Variants in HNRNPLL observed in about 807,000 individuals in gnomAD.
HNRNPLL encodes heterogeneous nuclear ribonucleoprotein L like, also known as heterogeneous nuclear ribonucleoprotein L-like.
Under a neutral mutation model 67.1 loss-of-function variants are expected in HNRNPLL, and 25 were observed. That is an observed-to-expected ratio of 0.37 (90% CI 0.27 to 0.52). The LOEUF (loss-of-function observed/expected upper bound fraction) is 0.52. Ranked by LOEUF, HNRNPLL falls within the 20% of genes least tolerant of loss-of-function variation. The probability of loss-of-function intolerance (pLI) is 0.90; values close to 1 mark genes in which losing one functional copy is unlikely to be tolerated. For missense variants in HNRNPLL, 542 were observed against 673.9 expected (o/e 0.80, Z 2.17); for synonymous variants, 267 against 241.7 (o/e 1.10, Z -0.97).
At chr2:38,591,717 T>C (rs1465859177) in intron 1 of HNRNPLL, 69 bp from the exon 2 acceptor site, 9 of 926,818 alleles carry the variant, frequency 9.7e-6, no homozygotes, top group Non-Finnish European at 1.5e-5. Context: ...GGCTCACGCC[T>C]GTAATCCCTG....
intron 1 of HNRNPLL, among the ~76,000 whole-genome samples, chr2:38,597,184 A>T (rs1438472909): frequency 1.3e-5 from 2 of 152,216 alleles, no homozygotes; most frequent in African/African-American, 4.8e-5. Flanking sequence ...TAGTTGGCAC[A>T]TCCTACCTCA....
At chr2:38,582,444 G>A (rs1428557778) in intron 4 of HNRNPLL, among the ~76,000 whole-genome samples, 2 of 152,066 alleles carry the variant, frequency 1.3e-5, no homozygotes, top group African/African-American at 4.8e-5. Context: ...CCAAGTAGCT[G>A]GGACTACAGG....
At position 38,577,406 on chromosome 2, in the gene HNRNPLL, T is replaced by C. The variant is rs960513883; in HGVS notation, c.874+55A>G. 6.5e-6 allele frequency: 7 copies of C among 1,072,218 alleles called. No homozygotes were observed. In the African/African-American group the frequency reaches 1.1e-4, roughly 17 times the overall value. The allele number at this position is 1,072,218 out of a possible 1,614,324, so 66.4% of individuals were successfully genotyped here. A position where few individuals can be genotyped will look rare whatever the true frequency, so the allele number is the denominator to read the frequency against. The stretch of plus-strand genomic sequence containing the variant: ...GAAATGTGCCATACTTCATCAGAAA[T>C]GCAGCAAGTCAAACAGTTCATCTAT... On this transcript the variant is annotated intron_variant, in intron 7 of 12. Transcript: ENST00000449105.
intron 1 of HNRNPLL, among the ~76,000 whole-genome samples, chr2:38,593,286 A>C (rs903240236): frequency 6.6e-6 from 1 of 152,244 alleles, no homozygotes; most frequent in African/African-American, 2.4e-5. Flanking sequence ...TTCAACAAGC[A>C]AATGTGCATG....
In HNRNPLL at chr2:38,568,409, T is replaced by C; in HGVS notation, c.1451A>G (p.Lys484Arg). The C allele has an allele frequency of 6.2e-7, 1 of 1,609,008 alleles. No homozygotes were observed. Among genetic ancestry groups the C allele is most frequent in the Non-Finnish European group, 8.5e-7 (1 of 1,176,396 alleles). The change falls in exon 11 of 13, where the codon AAA becomes AGA. Residue 484 changes from lysine to arginine, a missense_variant. Physicochemically the swap from Lys to Arg is conservative, Grantham distance 26. This residue lies in a region of HNRNPLL where 415 missense variants were observed against 575.2 expected (regional missense o/e 0.72). Transcript: ENST00000449105. ...CNDHEVLTFIKYKVFDAKPSA... is the reference protein window; with the variant it reads ...CNDHEVLTFIRYKVFDAKPSA... ...ACGTTTTGCATCAAACACTTTATAT[T>C]TGATGAATGTAAGAACTTCATGGTC...
intron 1 of HNRNPLL, among the ~76,000 whole-genome samples, chr2:38,599,522 C>T (rs1387672707): frequency 2.6e-5 from 4 of 152,106 alleles, no homozygotes; most frequent in Non-Finnish European, 5.9e-5. Flanking sequence ...ATAATCAAGC[C>T]TTATTCAACA....
intron 12 of HNRNPLL, among the ~76,000 whole-genome samples, chr2:38,567,811 T>G (rs989963217): frequency 6.6e-6 from 1 of 152,194 alleles, no homozygotes; most frequent in East Asian, 1.9e-4. Context: ...TGTGGCTTGA[T>G]TGAGCCTACA....
chr2:38,569,390 A>T lies in HNRNPLL; in HGVS notation c.1215-56T>A, dbSNP rs1233037704. 2.4e-6 allele frequency: 3 copies of T among 1,251,954 alleles called. No individual in the cohort carries two copies. In the East Asian group the frequency reaches 7.2e-5, roughly 30 times the overall value. The allele number at this position is 1,251,954 out of a possible 1,614,324, so 77.6% of individuals were successfully genotyped here. A position where few individuals can be genotyped will look rare whatever the true frequency, so the allele number is the denominator to read the frequency against. On this transcript the variant is annotated intron_variant, in intron 9 of 12. Transcript: ENST00000449105. ...GTACTTTGTTAGATAAAAAGCAGCAAGTAGTCTCAGAATGCTAATATATTT... is the reference window on the plus strand; with the variant it reads ...GTACTTTGTTAGATAAAAAGCAGCATGTAGTCTCAGAATGCTAATATATTT...
At chr2:38,594,229 C>T (rs1019337355) in intron 1 of HNRNPLL, among the ~76,000 whole-genome samples, 3 of 151,944 alleles carry the variant, frequency 2.0e-5, no homozygotes, top group African/African-American at 7.2e-5. Context: ...TGTATGTGAG[C>T]CTTTATTAGA....
chr2:38,597,943 TC>T (rs935957817), intron 1 of HNRNPLL, among the ~76,000 whole-genome samples: 5 of 151,970 alleles, frequency 3.3e-5, no homozygotes, highest in African/African-American at 1.2e-4. Context: ...TGCCTCAGCC[TC>T]CCAAATTGCT....
intron 9 of HNRNPLL, 125 bp downstream of exon 9, chr2:38,569,679 G>T: frequency 1.8e-6 from 1 of 560,220 alleles, no homozygotes; most frequent in South Asian, 3.4e-5. Context: ...CAATATTACA[G>T]CTGTTGTTTC....
chr2:38,587,832 T>C (rs78970102), intron 2 of HNRNPLL, among the ~76,000 whole-genome samples: 165 of 152,296 alleles, frequency 1.1e-3, no homozygotes, highest in African/African-American at 3.8e-3. Flanking sequence ...TGGGGCCTAG[T>C]AGGAGGTGAT....
At chr2:38,596,643 G>C (rs1033882983) in intron 1 of HNRNPLL, among the ~76,000 whole-genome samples, 3 of 152,106 alleles carry the variant, frequency 2.0e-5, no homozygotes, top group African/African-American at 7.2e-5. Context: ...GAACAAATCA[G>C]TTTTGTTTTT....
intron 1 of HNRNPLL, among the ~76,000 whole-genome samples, chr2:38,594,243 T>C (rs1182786079): frequency 2.6e-5 from 4 of 152,008 alleles, no homozygotes; most frequent in South Asian, 2.1e-4. Flanking sequence ...TATTAGACAA[T>C]AGTTAAAACT....
Position 38,602,877 on chromosome 2 carries a change from C to T in HNRNPLL, c.-251G>A, listed in dbSNP as rs928451336. 1.3e-6 allele frequency: 2 copies of T among 1,548,386 alleles called. No homozygotes were observed. The highest frequency in any genetic ancestry group is 1.4e-5 in the African/African-American group (1 of 72,772). On this transcript the variant is annotated 5_prime_UTR_variant, in exon 1 of 13. Transcript: ENST00000449105. ...ATTACCGAGCCAACATTCAGCCTCT[C>T]CCTCCTCCTCCTCCGTCTCCGCTCC...
chr2:38,579,204 G>T (rs1666422798), intron 6 of HNRNPLL, among the ~76,000 whole-genome samples: 1 of 152,082 alleles, frequency 6.6e-6, no homozygotes, highest in African/African-American at 2.4e-5. Flanking sequence ...CCACTAATTT[G>T]CTGTATAGTC....
chr2:38,587,471 T>C (rs910026428), intron 2 of HNRNPLL, among the ~76,000 whole-genome samples: 19 of 152,170 alleles, frequency 1.2e-4, no homozygotes, highest in Admixed American at 6.6e-5. Flanking sequence ...TCCCCACCCA[T>C]ATCATTCAAA....
intron 1 of HNRNPLL, among the ~76,000 whole-genome samples, chr2:38,592,823 A>T (rs557263669): frequency 6.5e-4 from 99 of 152,352 alleles, no homozygotes; most frequent in Non-Finnish European, 1.2e-3. Flanking sequence ...GAAATTTTTT[A>T]AAGTTTTTTT....
At chr2:38,584,986 CTTTAAG>C (rs1311513661) in intron 3 of HNRNPLL, among the ~76,000 whole-genome samples, 3 of 151,986 alleles carry the variant, frequency 2.0e-5, no homozygotes, top group Non-Finnish European at 4.4e-5. Context: ...ATATCTTATG[CTTTAAG>C]TTTATGTCCC....
Sources: allele counts gnomAD v4.1 joint callset (sites outside exome capture counted in the v4.1 genomes callset), GRCh38; gene constraint gnomAD v4.1.1; regional missense constraint gnomAD v4.1.1; transcripts MANE v1.5; gene names NCBI Gene and HGNC (gene_info 2026-07-23, HGNC 2026-07-21).